Variants in BCAT1 observed in about 807,000 individuals in gnomAD.
BCAT1 encodes branched-chain-amino-acid aminotransferase, cytosolic.
In BCAT1, 48 loss-of-function variants were observed where a neutral mutation model predicts 52.4. The ratio of observed to expected loss-of-function variants is 0.92; its 90% CI spans 0.73 to 1.16. The LOEUF (loss-of-function observed/expected upper bound fraction) is 1.16, where lower values mean the gene tolerates loss of function less well. BCAT1 is among the 50% of genes most tolerant of loss of function. BCAT1 has a pLI of 0.00. For synonymous variants in BCAT1, 167 were observed against 161.3 expected (o/e 1.04, Z -0.27); for missense variants, 451 against 457.1 (o/e 0.99, Z 0.12).
intron 5 of BCAT1, among the ~76,000 whole-genome samples, chr12:24,866,456 A>T (rs971870067): frequency 3.9e-5 from 6 of 152,152 alleles, no homozygotes; most frequent in African/African-American, 1.2e-4. Context: ...GCCTGGTCCC[A>T]TCAACAGCCC....
At chr12:24,896,539 C>A (rs576743614) in intron 2 of BCAT1, among the ~76,000 whole-genome samples, 3 of 152,230 alleles carry the variant, frequency 2.0e-5, no homozygotes, top group South Asian at 4.1e-4. Flanking sequence ...GAGGCCGAGG[C>A]GGGTGGATCA....
intron 5 of BCAT1, among the ~76,000 whole-genome samples, chr12:24,873,427 A>C (rs906017970): frequency 7.9e-5 from 12 of 152,222 alleles, no homozygotes; most frequent in African/African-American, 2.4e-4. Flanking sequence ...TTTACTCTCT[A>C]AACTTTTTAC....
At chr12:24,870,437 G>A (rs1355877138) in intron 5 of BCAT1, among the ~76,000 whole-genome samples, 1 of 152,198 alleles carries the variant, frequency 6.6e-6, no homozygotes, top group Non-Finnish European at 1.5e-5. Context: ...GAACTTAGTC[G>A]CCCCCATTGG....
At chr12:24,860,168 A>G (rs1268005718) in intron 5 of BCAT1, among the ~76,000 whole-genome samples, 1 of 152,202 alleles carries the variant, frequency 6.6e-6, no homozygotes, top group African/African-American at 2.4e-5. Flanking sequence ...AATCAGATAG[A>G]GGGCTCTTAA....
intron 7 of BCAT1, among the ~76,000 whole-genome samples, chr12:24,837,210 C>A (rs970853642): frequency 2.0e-5 from 3 of 148,162 alleles, no homozygotes; most frequent in African/African-American, 7.4e-5. Context: ...TTTCCACCAA[C>A]AAACAGTAAG....
intron 1 of BCAT1, among the ~76,000 whole-genome samples, chr12:24,917,252 C>A (rs1333013755): frequency 7.0e-6 from 1 of 142,340 alleles, no homozygotes; most frequent in Non-Finnish European, 1.5e-5. Context: ...GATCTCGGCT[C>A]ACTGCAAGCT....
chr12:24,914,744 C>T (rs948714183), intron 1 of BCAT1, among the ~76,000 whole-genome samples: 2 of 152,176 alleles, frequency 1.3e-5, no homozygotes, highest in Non-Finnish European at 2.9e-5. Flanking sequence ...TATTAAGTTG[C>T]TGTCATTATT....
At chr12:24,855,636 C>T (rs897105232) in intron 5 of BCAT1, among the ~76,000 whole-genome samples, 1 of 152,184 alleles carries the variant, frequency 6.6e-6, no homozygotes, top group Non-Finnish European at 1.5e-5. Flanking sequence ...CCTCCTCAGC[C>T]TCCCAAAGTG....
rs555189202 is a variant in BCAT1 at position 24,815,883 on chromosome 12, G to A, written c.*2125C>T. On this transcript the variant is annotated 3_prime_UTR_variant, in exon 11 of 11. Transcript: ENST00000261192. ...AATAAATAATTCTCATTTCTCATAGGAATAGAAATTTAGTTACTATGTACC... is the reference window on the plus strand; with the variant it reads ...AATAAATAATTCTCATTTCTCATAGAAATAGAAATTTAGTTACTATGTACC... The A allele has an allele frequency of 1.3e-5, 2 of 152,274 alleles. No individual in the cohort carries two copies. Among genetic ancestry groups the A allele is most frequent in the Admixed American group, 6.5e-5 (1 of 15,290 alleles). The allele number at this position is 152,274 out of a possible 1,614,324, so 9.4% of individuals were successfully genotyped here.
At position 24,919,474 on chromosome 12, in the gene BCAT1, C is replaced by T. The variant is rs532418745; in HGVS notation, c.7-17589G>A. On this transcript the variant is annotated intron_variant, in intron 1 of 10. Coordinates refer to ENST00000261192, the MANE Select transcript of BCAT1 (RefSeq NM_005504.7). ...AGTAGATAAAGCTTGGGTAAACCAC[C>T]TAATGTCTCTAAACCCCACTTTAAT... 3.9e-5 allele frequency among the ~76,000 whole-genome samples: 6 copies of T among 152,292 alleles called. No individual in the cohort carries two copies. The South Asian group carries it at 1.2e-3, about 32-fold the overall frequency.
chr12:24,847,606 A>G (rs1338790435), intron 6 of BCAT1, among the ~76,000 whole-genome samples: 1 of 152,190 alleles, frequency 6.6e-6, no homozygotes, highest in Non-Finnish European at 1.5e-5. Flanking sequence ...CAAGAGAGAG[A>G]GAAAAAGAGA....
At chr12:24,917,093 A>G (rs1200199193) in intron 1 of BCAT1, among the ~76,000 whole-genome samples, 1 of 152,046 alleles carries the variant, frequency 6.6e-6, no homozygotes, top group Non-Finnish European at 1.5e-5. Context: ...TTAAAATAGT[A>G]ATTTCAATCC....
At chr12:24,829,166 C>T (rs11047664) in intron 10 of BCAT1, among the ~76,000 whole-genome samples, 21,366 of 151,844 alleles carry the variant, frequency 0.14, 1,898 homozygotes, top group Middle Eastern at 0.23. Flanking sequence ...GGTGGATTAC[C>T]TTAGGTCAGG....
At chr12:24,837,284 G>A (rs1416719766) in intron 7 of BCAT1, among the ~76,000 whole-genome samples, 1 of 152,026 alleles carries the variant, frequency 6.6e-6, no homozygotes, top group Non-Finnish European at 1.5e-5. Context: ...GATGAAAGGT[G>A]GTTACTAATT....
chr12:24,868,348 G>T (rs560811131), intron 5 of BCAT1, among the ~76,000 whole-genome samples: 2 of 152,300 alleles, frequency 1.3e-5, no homozygotes, highest in South Asian at 4.1e-4. Context: ...AAATAGGGGT[G>T]TATCCGTATG....
At position 24,903,138 on chromosome 12, in the gene BCAT1, G is replaced by T. The variant is rs1003691172; in HGVS notation, c.7-1253C>A. On this transcript the variant is annotated intron_variant, in intron 1 of 10. Transcript: ENST00000261192. ...CTGGGGCCGCGCGCCAGGGCCAGGC[G>T]CAGGGTACGACGCAACCCCTCCAGC... The T allele has an allele frequency of 3.8e-6, 5 of 1,314,746 alleles. No homozygotes were observed. In the East Asian group the frequency reaches 1.3e-4, roughly 33 times the overall value. The allele number at this position is 1,314,746 out of a possible 1,614,324, so 81.4% of individuals were successfully genotyped here.
intron 1 of BCAT1, among the ~76,000 whole-genome samples, chr12:24,910,378 AAAATAAATAAATAAATAAAT>A (rs57340584): frequency 1.6e-4 from 24 of 146,220 alleles, no homozygotes; most frequent in Admixed American, 4.1e-4. Context: ...CTCTGTCTCA[AAAATAAATAAATAAATAAAT>A]AAATAAATAA....
chr12:24,826,162 G>C (rs1190382501), intron 10 of BCAT1, among the ~76,000 whole-genome samples: 2 of 152,144 alleles, frequency 1.3e-5, no homozygotes, highest in Non-Finnish European at 2.9e-5. Context: ...CAATGAGCCA[G>C]GTTCATGCCA....
At position 24,813,923 on chromosome 12, in the gene BCAT1, A is replaced by T. The variant is rs1939781334; in HGVS notation, c.*4085T>A. Reference sequence around the variant, plus strand: ...AATGTCTATATGCCATTGATTTCTTAAAACTAACTTCCTAATCTCTATTGT... The same window carrying T: ...AATGTCTATATGCCATTGATTTCTTTAAACTAACTTCCTAATCTCTATTGT... On this transcript the variant is annotated 3_prime_UTR_variant, in exon 11 of 11. Coordinates refer to ENST00000261192, the MANE Select transcript of BCAT1 (RefSeq NM_005504.7). 2 of 152,100 alleles carry T rather than the reference A, an allele frequency of 1.3e-5. No individual in the cohort carries two copies. The highest frequency in any genetic ancestry group is 1.3e-4 in the Admixed American group (2 of 15,268). 9.4% of individuals were successfully genotyped at this position (152,100 alleles called of 1,614,324 possible).
Sources: gnomAD v4.1 joint callset for allele counts (sites outside exome capture counted in the v4.1 genomes callset) on GRCh38, gnomAD v4.1.1 for gene constraint, MANE v1.5 for transcripts, NCBI Gene and HGNC (gene_info 2026-07-23, HGNC 2026-07-21) for gene names.